UGT1A6: variants seen among roughly 807,000 people sequenced by gnomAD.
The protein encoded by UGT1A6 is UDP-glucuronosyltransferase 1A6.
A neutral mutation model predicts 44.4 loss-of-function variants in UGT1A6; 32 were observed. The ratio of observed to expected loss-of-function variants is 0.72; its 90% confidence interval spans 0.54 to 0.97. The LOEUF (loss-of-function observed/expected upper bound fraction) is 0.97. UGT1A6 is among the 50% of genes least tolerant of loss of function. The pLI is 0.00. For synonymous variants in UGT1A6, 238 were observed against 248.5 expected (o/e 0.96, Z 0.40); for missense variants, 685 against 661.9 (o/e 1.03, Z -0.38).
chr2:233,761,943 G>A (rs542276464), intron 1 of UGT1A6, among the ~76,000 whole-genome samples: 197 of 152,320 alleles, frequency 1.3e-3, no homozygotes, highest in Non-Finnish European at 2.4e-3. Context: ...CAGGTGCTGC[G>A]TCTGGCTCCC....
chr2:233,772,766 C>A lies in UGT1A6; in HGVS notation c.*207C>A, dbSNP rs910513508. The A allele has an allele frequency of 8.7e-6, 12 of 1,374,468 alleles. No homozygotes were observed. Among genetic ancestry groups the A allele is most frequent in the East Asian group, 7.6e-5 (3 of 39,290 alleles). 85.1% of individuals were successfully genotyped at this position (1,374,468 alleles called of 1,614,324 possible). ...AGATATTTGAATATGTATCGTGCCC[C>A]CTCTGGTGTCTTTGATCAGGATGAC... On this transcript the variant is annotated 3_prime_UTR_variant, in exon 5 of 5. Transcript: ENST00000305139.
intron 1 of UGT1A6, among the ~76,000 whole-genome samples, chr2:233,740,339 A>G (rs1249228201): frequency 7.9e-5 from 12 of 151,952 alleles, no homozygotes; most frequent in Non-Finnish European, 1.5e-4. Flanking sequence ...GAGAAAGTTG[A>G]TGAGAAAGTG....
chr2:233,697,833 TAAG>T (rs2125573515), intron 1 of UGT1A6, among the ~76,000 whole-genome samples: 1 of 152,318 alleles, frequency 6.6e-6, no homozygotes, highest in African/African-American at 2.4e-5. Flanking sequence ...AAAATCTAAT[TAAG>T]AAGTTAGTAA....
At chr2:233,748,200 T>A (rs1186439065) in intron 1 of UGT1A6, 1 of 1,532,446 alleles carries the variant, frequency 6.5e-7, no homozygotes, top group Non-Finnish European at 8.8e-7. Flanking sequence ...CTGCTTGTCG[T>A]AATAGCCTTC....
intron 1 of UGT1A6, chr2:233,747,188 GTCAGCTGTCCGTGTCT>G: frequency 6.2e-7 from 1 of 1,603,604 alleles, no homozygotes; most frequent in Non-Finnish European, 8.5e-7. Flanking sequence ...GGGGTGGACA[GTCAGCTGTCCGTGTCT>G]TCTGCTGAGA....
At chr2:233,698,912 G>A (rs1019519579) in intron 1 of UGT1A6, among the ~76,000 whole-genome samples, 1 of 152,230 alleles carries the variant, frequency 6.6e-6, no homozygotes, top group South Asian at 2.1e-4. Context: ...CCCAAGGAGG[G>A]ACGTGGCCGT....
intron 1 of UGT1A6, among the ~76,000 whole-genome samples, chr2:233,748,498 T>G (rs1180536491): frequency 2.0e-5 from 3 of 151,812 alleles, no homozygotes; most frequent in Non-Finnish European, 4.4e-5. Flanking sequence ...TGTGATAATT[T>G]TTAGTGGTCC....
intron 1 of UGT1A6, among the ~76,000 whole-genome samples, chr2:233,758,575 A>G (rs1696915636): frequency 6.6e-6 from 1 of 152,204 alleles, no homozygotes; most frequent in African/African-American, 2.4e-5. Context: ...TAAAAAATGA[A>G]GAGTGTTTGG....
At chr2:233,716,361 T>C (rs527757463) in intron 1 of UGT1A6, among the ~76,000 whole-genome samples, 4 of 152,352 alleles carry the variant, frequency 2.6e-5, no homozygotes, top group Admixed American at 2.0e-4. Flanking sequence ...AGATACTTTG[T>C]GGGGCTGTGA....
At chr2:233,700,807 G>A (rs934184744) in intron 1 of UGT1A6, among the ~76,000 whole-genome samples, 1 of 151,690 alleles carries the variant, frequency 6.6e-6, no homozygotes, top group African/African-American at 2.4e-5. Context: ...GTGCCATGTT[G>A]GTGTGCTGCA....
upstream of UGT1A6, chr2:233,692,869 G>T: frequency 2.0e-6 from 3 of 1,484,506 alleles, no homozygotes; most frequent in Non-Finnish European, 2.7e-6. Context: ...ACATATCAAA[G>T]GGTAAAATTC....
chr2:233,718,048 C>G, intron 1 of UGT1A6: 1 of 365,942 alleles, frequency 2.7e-6, no homozygotes, highest in South Asian at 2.1e-5. Flanking sequence ...CAGGAGCTCC[C>G]TGAACCCACC....
chr2:233,712,893 T>A, intron 1 of UGT1A6: 1 of 1,605,864 alleles, frequency 6.2e-7, no homozygotes, highest in Non-Finnish European at 8.5e-7. Context: ...ACATGTTGAT[T>A]TGCTAGGTGT....
At chr2:233,724,171 C>T (rs1472955249) in intron 1 of UGT1A6, among the ~76,000 whole-genome samples, 39 of 91,410 alleles carry the variant, frequency 4.3e-4, no homozygotes, top group South Asian at 7.8e-4. Context: ...CTGACCCCCC[C>T]ATCTCCCTCC....
At chr2:233,734,256 G>A (rs1200658913) in intron 1 of UGT1A6, among the ~76,000 whole-genome samples, 1 of 151,990 alleles carries the variant, frequency 6.6e-6, no homozygotes, top group Non-Finnish European at 1.5e-5. Flanking sequence ...GTCTTGGGAG[G>A]GTGTATGTGT....
At chr2:233,752,219 T>C (rs897315678) in intron 1 of UGT1A6, 28 of 152,194 alleles carry the variant, frequency 1.8e-4, no homozygotes, top group African/African-American at 6.0e-4. Context: ...AGAAAAAATA[T>C]CTGGCATTTT....
Position 233,760,901 on chromosome 2 carries a change from C to T in UGT1A6, c.862-6133C>T, listed in dbSNP as rs766170365. The T allele has an allele frequency of 1.9e-6, 3 of 1,614,178 alleles. No homozygotes were observed. The highest frequency in any genetic ancestry group is 2.2e-5 in the East Asian group (1 of 44,884). On this transcript the variant is annotated intron_variant, in intron 1 of 4. Coordinates refer to ENST00000305139, the MANE Select transcript of UGT1A6 (RefSeq NM_001072.4). ...CTCTCCTCTCATTCAGATCACATGA[C>T]CTTCCTGCAGCGGGTGAAGAACATG... is the stretch of plus-strand genomic sequence containing the variant.
intron 1 of UGT1A6, among the ~76,000 whole-genome samples, chr2:233,717,585 G>A (rs1198463102): frequency 2.6e-5 from 4 of 152,254 alleles, no homozygotes; most frequent in Admixed American, 6.5e-5. Context: ...AGACACAGAG[G>A]TAGTGAGATG....
intron 1 of UGT1A6, among the ~76,000 whole-genome samples, chr2:233,738,028 A>G (rs1242649039): frequency 6.6e-6 from 1 of 151,924 alleles, no homozygotes; most frequent in Non-Finnish European, 1.5e-5. Context: ...TAATCCCCAT[A>G]ATCCCCACGT....
Sources: allele counts gnomAD v4.1 joint callset (sites outside exome capture counted in the v4.1 genomes callset), GRCh38; gene constraint gnomAD v4.1.1; transcripts MANE v1.5; gene names NCBI Gene and HGNC (gene_info 2026-07-23, HGNC 2026-07-21).